DOCK8: variants seen among roughly 807,000 people sequenced by gnomAD.
DOCK8 encodes the protein dedicator of cytokinesis protein 8.
Under a neutral mutation model 245.6 loss-of-function variants are expected in DOCK8, and 141 were observed. That is an observed-to-expected ratio of 0.57 (90% confidence interval 0.50 to 0.66). The LOEUF is 0.66. Among genes scored for constraint, DOCK8 ranks in the 30% least tolerant of loss-of-function variants. The pLI is 0.00. For synonymous variants in DOCK8, 1,168 were observed against 970.2 expected, an observed-to-expected ratio of 1.20 and a Z score of -3.79; for missense variants, 2,965 against 2,603.4, an observed-to-expected ratio of 1.14 and a Z score of -3.02.
intron 2 of DOCK8, among the ~76,000 whole-genome samples, chr9:272,012 T>C (rs760034610): frequency 1.3e-5 from 2 of 152,136 alleles, no homozygotes; most frequent in African/African-American, 2.4e-5. Flanking sequence ...TGGTTCATAT[T>C]TGGGGGAGAA....
chr9:221,704 C>G (rs551737293), intron 1 of DOCK8, among the ~76,000 whole-genome samples: 1 of 151,406 alleles, frequency 6.6e-6, no homozygotes, highest in Non-Finnish European at 1.5e-5. Flanking sequence ...TGCCTGTAGT[C>G]CCAGCTACTC....
chr9:375,500 G>A (rs2053479086), intron 18 of DOCK8, among the ~76,000 whole-genome samples: 3 of 152,328 alleles, frequency 2.0e-5, no homozygotes, highest in Middle Eastern at 3.4e-3. Context: ...TTCATGTCTT[G>A]TAAAGATATT....
chr9:274,549 G>C (rs562568156), intron 2 of DOCK8, among the ~76,000 whole-genome samples: 7 of 146,502 alleles, frequency 4.8e-5, no homozygotes, highest in African/African-American at 1.8e-4. Flanking sequence ...ATGTTTACCT[G>C]GTATCGTGTT....
At chr9:443,596 C>G (rs1476645268) in intron 43 of DOCK8, 80 bp downstream of exon 43, 25 of 1,128,270 alleles carry the variant, frequency 2.2e-5, no homozygotes, top group Non-Finnish European at 3.3e-5. Flanking sequence ...ATGATCTCAT[C>G]TATCTGGACT....
At chr9:399,042 G>A in intron 25 of DOCK8, 104 bp from the exon 26 acceptor site, 1 of 1,045,988 alleles carries the variant, frequency 9.6e-7, no homozygotes, top group African/African-American at 1.6e-5. Flanking sequence ...AAGGACAGTG[G>A]CTGAAATAAT....
At chr9:301,668 A>C (rs193130252) in intron 4 of DOCK8, among the ~76,000 whole-genome samples, 1 of 152,368 alleles carries the variant, frequency 6.6e-6, no homozygotes, top group African/African-American at 2.4e-5. Context: ...ATACAAAATC[A>C]ATGTACAAAA....
At chr9:400,929 CAACATCCACCACCACCAT>C (rs1452770778) in intron 26 of DOCK8, among the ~76,000 whole-genome samples, 10 of 97,602 alleles carry the variant, frequency 1.0e-4, no homozygotes, top group South Asian at 3.7e-4. Flanking sequence ...ACCATCACCA[CAACATCCACCACCACCAT>C]CACCACCACC....
chr9:275,701 G>A (rs1254943973), intron 2 of DOCK8, among the ~76,000 whole-genome samples: 2 of 151,950 alleles, frequency 1.3e-5, no homozygotes, highest in Non-Finnish European at 2.9e-5. Context: ...CTATTCTCCT[G>A]CCTCAGCCTC....
chr9:351,113 C>T lies in DOCK8; in HGVS notation c.1679+10792C>T, dbSNP rs80157083. 8.4e-3 allele frequency among the ~76,000 whole-genome samples: 1,275 copies of T among 152,298 alleles called. 21 individuals are homozygous for T. Among genetic ancestry groups the T allele is most frequent in the African/African-American group, 0.029 (1,211 of 41,546 alleles). On this transcript the variant is annotated intron_variant, in intron 14 of 47. Transcript: ENST00000432829. ...GATGCCAGCGACATCCCTAATTTCT[C>T]TGGCTTCCTGATAGGTCCTGGTAGG...
At chr9:324,197 C>G (rs1349371538) in intron 7 of DOCK8, among the ~76,000 whole-genome samples, 2 of 152,222 alleles carry the variant, frequency 1.3e-5, no homozygotes, top group African/African-American at 2.4e-5. Flanking sequence ...CAAATTGCCT[C>G]ATTTCCAAAG....
chr9:426,851 A>G (rs780411949), intron 33 of DOCK8, 34 bp from the exon 34 acceptor site: 7 of 1,585,480 alleles, frequency 4.4e-6, no homozygotes, highest in African/African-American at 1.3e-5. Flanking sequence ...CAGGTTTGAC[A>G]TGCGCTTTAA....
chr9:250,497 C>A (rs2047619790), intron 1 of DOCK8, among the ~76,000 whole-genome samples: 1 of 152,170 alleles, frequency 6.6e-6, no homozygotes. Flanking sequence ...CCCTCTGATA[C>A]CACACCATAC....
intron 14 of DOCK8, among the ~76,000 whole-genome samples, chr9:349,826 A>C (rs73639060): frequency 6.6e-6 from 1 of 152,210 alleles, no homozygotes. Context: ...CAGAAGACAC[A>C]CTCAGAAACC....
chr9:440,809 G>A (rs1314458516), intron 40 of DOCK8, among the ~76,000 whole-genome samples: 1 of 152,254 alleles, frequency 6.6e-6, no homozygotes, highest in East Asian at 1.9e-4. Flanking sequence ...TGCAGCCTTG[G>A]CTCACTACAG....
Position 446,619 on chromosome 9 carries a change from A to G in DOCK8, c.5817+13A>G, listed in dbSNP as rs2057270619. The G allele has an allele frequency of 6.2e-7, 1 of 1,613,258 alleles. No individual in the cohort carries two copies. Among genetic ancestry groups the G allele is most frequent in the African/African-American group, 1.3e-5 (1 of 74,896 alleles). On this transcript the variant is annotated intron_variant, in intron 44 of 47. Coordinates refer to ENST00000432829, the MANE Select transcript of DOCK8 (RefSeq NM_203447.4). ...CCAGAAGGAGGAGGTAATGCACCCAAGGGATTGGCCACCACTGGATGAGTG... is the reference window on the plus strand; with the variant it reads ...CCAGAAGGAGGAGGTAATGCACCCAGGGGATTGGCCACCACTGGATGAGTG...
chr9:443,509 C>T lies in DOCK8; in HGVS notation c.5573C>T (p.Pro1858Leu). The change falls in exon 43 of 48, where the codon CCT becomes CTT. Residue 1858 changes from proline (P) to leucine (L), a missense_variant. Pro to Leu is a moderately conservative substitution (Grantham distance 98). Transcript: ENST00000432829. ...CCTGTGGACAAAACCAAGTTGGATC[C>T]TAACAAGGTATACAAAAATTTACAA... Reference protein sequence around the residue: ...STPVDKTKLDPNKAYIQITFV... With the variant: ...STPVDKTKLDLNKAYIQITFV... 6.2e-7 allele frequency: 1 copy of T among 1,613,814 alleles called. No homozygotes were observed. The highest frequency in any genetic ancestry group is 8.5e-7 in the Non-Finnish European group (1 of 1,179,818).
chr9:413,882 C>G (rs1399263132), intron 28 of DOCK8, among the ~76,000 whole-genome samples: 2 of 152,204 alleles, frequency 1.3e-5, no homozygotes, highest in Non-Finnish European at 2.9e-5. Context: ...CGGCTCACGC[C>G]TATAATCTCA....
At chr9:456,655 C>G (rs2057651998) in intron 46 of DOCK8, 1 of 152,226 alleles carries the variant, frequency 6.6e-6, no homozygotes, top group African/African-American at 2.4e-5. Context: ...AGTCCTGCAA[C>G]TCTTCAAACT....
chr9:232,779 T>G (rs2047147315), intron 1 of DOCK8, among the ~76,000 whole-genome samples: 1 of 152,216 alleles, frequency 6.6e-6, no homozygotes, highest in Non-Finnish European at 1.5e-5. Context: ...TGTTTGATTC[T>G]TCTCTCTTTT....
Sources: allele counts gnomAD v4.1 joint callset (sites outside exome capture counted in the v4.1 genomes callset), GRCh38; gene constraint gnomAD v4.1.1; transcripts MANE v1.5; gene names NCBI Gene and HGNC (gene_info 2026-07-23, HGNC 2026-07-21).